FBXW8: variants seen among roughly 807,000 people sequenced by gnomAD.
FBXW8 encodes F-box/WD repeat-containing protein 8.
FBXW8 carries 57 observed loss-of-function variants against 65.3 expected under a neutral mutation model. That is an observed-to-expected ratio of 0.87 (90% CI 0.71 to 1.09). The LOEUF is 1.09. FBXW8 is among the 50% of genes least tolerant of loss of function. The probability of loss-of-function intolerance (pLI) is 0.00; values close to 1 mark genes in which losing one functional copy is unlikely to be tolerated. For synonymous variants in FBXW8, 308 were observed against 330.2 expected (o/e 0.93, Z 0.73); for missense variants, 777 against 814.8 (o/e 0.95, Z 0.57).
rs751773929 is a variant in FBXW8 at position 116,936,411 on chromosome 12, C to T, written c.423+8284C>T. Among the ~76,000 whole-genome samples the T allele has an allele frequency of 2.0e-5, 3 of 152,152 alleles. No homozygotes were observed. The highest frequency in any genetic ancestry group is 7.2e-5 in the African/African-American group (3 of 41,416). On this transcript the variant is annotated intron_variant, in intron 2 of 10. Coordinates refer to ENST00000652555, the MANE Select transcript of FBXW8 (RefSeq NM_153348.3). The surrounding 1 kb of genome is among the most constrained non-coding windows in gnomAD (Gnocchi z 4.6). ...CAGTATGTTACCTTTCATGATAAAA[C>T]GCCCTTTGCCGATGTGATTAGGTTA...
rs141286666 is a variant in FBXW8, at chr12:116,917,890, G to T, written c.318+6535G>T. On this transcript the variant is annotated intron_variant, in intron 1 of 10. Coordinates refer to ENST00000652555, the MANE Select transcript of FBXW8 (RefSeq NM_153348.3). ...GCCTGTAGTCCCAGCTACTGGGGAG[G>T]CTGAGGCAGAAGAATTGCTTGAACC... is the stretch of plus-strand genomic sequence containing the variant. 2.0e-5 allele frequency among the ~76,000 whole-genome samples: 3 copies of T among 151,906 alleles called. No individual in the cohort carries two copies. The East Asian group carries it at 5.8e-4, about 29-fold the overall frequency.
intron 7 of FBXW8, among the ~76,000 whole-genome samples, chr12:117,001,513 C>CATCT (rs1953519285): frequency 6.6e-6 from 1 of 152,180 alleles, no homozygotes; most frequent in Non-Finnish European, 1.5e-5. Flanking sequence ...ACATTATGAG[C>CATCT]ATCTCATGGT....
intron 2 of FBXW8, among the ~76,000 whole-genome samples, chr12:116,942,195 ATT>A (rs758383181): frequency 1.4e-5 from 2 of 141,950 alleles, no homozygotes; most frequent in Non-Finnish European, 3.1e-5. Flanking sequence ...CATCTGGCTA[ATT>A]TTTTTTTTTT....
At chr12:116,973,690 C>T (rs1161265777) in intron 5 of FBXW8, among the ~76,000 whole-genome samples, 1 of 152,106 alleles carries the variant, frequency 6.6e-6, no homozygotes, top group Non-Finnish European at 1.5e-5. Flanking sequence ...CAGGGAAGGT[C>T]TTAAGAACTA....
chr12:117,010,991 C>G (rs982012083), intron 8 of FBXW8, among the ~76,000 whole-genome samples: 13 of 152,196 alleles, frequency 8.5e-5, no homozygotes, highest in Admixed American at 4.6e-4. Context: ...GTCGGATTTT[C>G]CCGGTATAGG....
At chr12:117,016,491 TA>T (rs1953948938) in intron 8 of FBXW8, among the ~76,000 whole-genome samples, 2 of 141,760 alleles carry the variant, frequency 1.4e-5, no homozygotes, top group Non-Finnish European at 3.0e-5. Context: ...GTTATTAGAG[TA>T]TTTTTTTAAT....
chr12:116,992,482 G>C (rs1953266853), intron 7 of FBXW8, among the ~76,000 whole-genome samples: 1 of 150,832 alleles, frequency 6.6e-6, no homozygotes, highest in Admixed American at 6.6e-5. Flanking sequence ...ATGGTTTTTG[G>C]TTACATGGAT....
intron 1 of FBXW8, among the ~76,000 whole-genome samples, chr12:116,924,734 A>C (rs1881187341): frequency 6.6e-6 from 1 of 152,238 alleles, no homozygotes; most frequent in African/African-American, 2.4e-5. Context: ...GCTTTTGTCC[A>C]GGATGTGGCT....
chr12:116,931,998 G>C (rs181676562), intron 2 of FBXW8, among the ~76,000 whole-genome samples: 115 of 152,092 alleles, frequency 7.6e-4, no homozygotes, highest in African/African-American at 2.6e-3. Flanking sequence ...GGCCTTTATT[G>C]TGTTAAAGTA....
chr12:116,923,521 CTTTT>C (rs1046273125), intron 1 of FBXW8, among the ~76,000 whole-genome samples: 11 of 144,540 alleles, frequency 7.6e-5, no homozygotes, highest in Non-Finnish European at 1.2e-4. Context: ...AAATTATTTT[CTTTT>C]TTTTTTTGTT....
intron 7 of FBXW8, among the ~76,000 whole-genome samples, chr12:117,001,020 G>A (rs1565935379): frequency 6.6e-6 from 1 of 152,158 alleles, no homozygotes. Flanking sequence ...TGCACAAAAT[G>A]TAGGCAGTAG....
At chr12:116,929,958 T>G (rs1192963699) in intron 2 of FBXW8, among the ~76,000 whole-genome samples, 2 of 152,242 alleles carry the variant, frequency 1.3e-5, no homozygotes, top group African/African-American at 4.8e-5. Flanking sequence ...GCTGGCTTAT[T>G]TCACTTAACA....
At chr12:116,962,091 C>T (rs1363444552) in intron 4 of FBXW8, among the ~76,000 whole-genome samples, 2 of 152,046 alleles carry the variant, frequency 1.3e-5, no homozygotes, top group Non-Finnish European at 2.9e-5. Flanking sequence ...ACTGATGATC[C>T]CATTGATAAA....
chr12:117,018,985 C>G (rs572370451), intron 8 of FBXW8, among the ~76,000 whole-genome samples: 100 of 152,352 alleles, frequency 6.6e-4, no homozygotes, highest in African/African-American at 2.4e-3. Flanking sequence ...TCCGCTCCCC[C>G]TTTCCCCAAT....
At chr12:116,914,004 G>A (rs2137280565) in intron 1 of FBXW8, among the ~76,000 whole-genome samples, 1 of 152,216 alleles carries the variant, frequency 6.6e-6, no homozygotes, top group Non-Finnish European at 1.5e-5. Flanking sequence ...AGGTGTGGTG[G>A]TACACACCTG....
At chr12:117,002,190 A>C (rs1295421824) in intron 7 of FBXW8, among the ~76,000 whole-genome samples, 2 of 152,248 alleles carry the variant, frequency 1.3e-5, no homozygotes, top group African/African-American at 4.8e-5. Flanking sequence ...GGAAGAGTCC[A>C]GTCCTGGAAC....
chr12:116,927,156 G>C (rs1377251917), intron 1 of FBXW8, among the ~76,000 whole-genome samples: 1 of 152,108 alleles, frequency 6.6e-6, no homozygotes, highest in Non-Finnish European at 1.5e-5. Flanking sequence ...GGTGGATTGG[G>C]AACAGGCAGA....
intron 5 of FBXW8, among the ~76,000 whole-genome samples, chr12:116,966,627 C>T (rs1884343783): frequency 6.6e-6 from 1 of 152,162 alleles, no homozygotes; most frequent in African/African-American, 2.4e-5. Context: ...GGTGCTGCTG[C>T]TGGTTTTATA....
At chr12:116,957,596 A>G (rs117199798) in intron 4 of FBXW8, among the ~76,000 whole-genome samples, 873 of 152,276 alleles carry the variant, frequency 5.7e-3, no homozygotes, top group Non-Finnish European at 0.01. Flanking sequence ...ACATAGGTAT[A>G]AGGTTGTGTG....
Sources: allele counts gnomAD v4.1 joint callset (sites outside exome capture counted in the v4.1 genomes callset), GRCh38; gene constraint gnomAD v4.1.1; non-coding constraint Gnocchi (gnomAD v3.1); transcripts MANE v1.5; gene names NCBI Gene and HGNC (gene_info 2026-07-23, HGNC 2026-07-21).